KDM4B: variants seen among roughly 807,000 people sequenced by gnomAD.
KDM4B encodes lysine-specific demethylase 4B.
KDM4B carries 32 observed loss-of-function variants against 125.2 expected under a neutral mutation model. The ratio of observed to expected loss-of-function variants is 0.26; its 90% CI spans 0.19 to 0.34. The LOEUF is 0.34. Ranked by LOEUF, KDM4B falls within the 10% of genes least tolerant of loss-of-function variation. KDM4B has a pLI of 1.00. For synonymous variants in KDM4B, 721 were observed against 677.9 expected (o/e 1.06, Z -0.99); for missense variants, 1,190 against 1,577.7 (o/e 0.75, Z 4.16).
In KDM4B at chr19:5,142,381, G is replaced by A. The variant is rs961373821; in HGVS notation, c.2551-1586G>A. Among the ~76,000 whole-genome samples the A allele has an allele frequency of 2.0e-5, 3 of 152,216 alleles. No individual in the cohort carries two copies. Among genetic ancestry groups the A allele is most frequent in the South Asian group, 4.1e-4 (2 of 4,828 alleles). On this transcript the variant is annotated intron_variant, in intron 18 of 22. Transcript: ENST00000159111. The surrounding 1 kb of genome is among the most constrained non-coding windows in gnomAD (Gnocchi z 5.4). ...ACAGCGCGTGGCGTGACTGGACCTC[G>A]CCTTAGTAGGGGTGGCTCTGGGCAA...
At chr19:4,985,895 C>T (rs2034812486) in intron 1 of KDM4B, among the ~76,000 whole-genome samples, 1 of 152,220 alleles carries the variant, frequency 6.6e-6, no homozygotes, top group Admixed American at 6.5e-5. Flanking sequence ...GGAAGCCTCC[C>T]CGGCGCCCAG....
rs563312511 is a variant in KDM4B, at chr19:5,047,359, G to C, written c.433-117G>C. ...CCCCTGGGGGGGCCGCAGATACTGGGGTGGAGGAGGATGGGCAGCGACCCC... is the reference window on the plus strand; with the variant it reads ...CCCCTGGGGGGGCCGCAGATACTGGCGTGGAGGAGGATGGGCAGCGACCCC... On this transcript the variant is annotated intron_variant, in intron 5 of 22. Coordinates refer to ENST00000159111, the MANE Select transcript of KDM4B (RefSeq NM_015015.3). 8 of 892,552 alleles carry C rather than the reference G, an allele frequency of 9.0e-6. No homozygotes were observed. The African/African-American group carries it at 1.2e-4, about 13-fold the overall frequency. The allele number at this position is 892,552 out of a possible 1,614,324, so 55.3% of individuals were successfully genotyped here.
chr19:5,036,893 C>T (rs548021973), intron 3 of KDM4B, among the ~76,000 whole-genome samples: 2 of 152,360 alleles, frequency 1.3e-5, no homozygotes, highest in Admixed American at 6.5e-5. Flanking sequence ...GGAAGTGGCC[C>T]TCGTTCACGC....
intron 11 of KDM4B, among the ~76,000 whole-genome samples, chr19:5,120,217 A>G (rs899539235): frequency 6.6e-6 from 1 of 152,224 alleles, no homozygotes; most frequent in Admixed American, 6.5e-5. Context: ...TTGCACCTAT[A>G]GTCCCAGCTA....
chr19:5,049,742 G>A (rs1284048066), intron 6 of KDM4B, among the ~76,000 whole-genome samples: 1 of 152,138 alleles, frequency 6.6e-6, no homozygotes. Context: ...TCTACTACGG[G>A]CTATCAGTCC....
rs901596258 is a variant in KDM4B at position 5,141,698 on chromosome 19, CAG to C, written c.2551-2268_2551-2267del. On this transcript the variant is annotated intron_variant, in intron 18 of 22. Coordinates refer to ENST00000159111, the MANE Select transcript of KDM4B (RefSeq NM_015015.3). This position sits in a 1 kb window ranked among gnomAD's most constrained non-coding sequence, Gnocchi z 6.4. The stretch of plus-strand genomic sequence containing the variant: ...AGGGCTCCAGGCAGTCCTGGTGAGT[CAG>C]GGGGCTCCGGCTGGCCGCCCGCCTG... 6.6e-6 allele frequency among the ~76,000 whole-genome samples: 1 copy of C among 152,194 alleles called. No individual in the cohort carries two copies. The highest frequency in any genetic ancestry group is 2.4e-5 in the African/African-American group (1 of 41,450).
rs1465804368 is a variant in KDM4B, at chr19:5,082,287, C to T, written c.781-80C>T. 21 of 1,568,686 alleles carry T rather than the reference C, an allele frequency of 1.3e-5. No individual in the cohort carries two copies. Among genetic ancestry groups the T allele is most frequent in the Admixed American group, 5.3e-5 (3 of 56,868 alleles). On this transcript the variant is annotated intron_variant, in intron 8 of 22. Coordinates refer to ENST00000159111, the MANE Select transcript of KDM4B (RefSeq NM_015015.3). This position sits in a 1 kb window ranked among gnomAD's most constrained non-coding sequence, Gnocchi z 5.4. The stretch of plus-strand genomic sequence containing the variant: ...GGCTCATAAGCCAGGCTCCCTGGCA[C>T]TTGCTGGGAAGTGCCCACGTCCCAT...
chr19:5,144,212 C>T (rs1051193561), intron 19 of KDM4B, 36 bp from the exon 20 acceptor site: 5 of 1,586,424 alleles, frequency 3.2e-6, no homozygotes, highest in Admixed American at 1.7e-5. Context: ...CCGACACCCG[C>T]GCTGACCGCC....
At chr19:5,075,929 C>G (rs1273264322) in intron 7 of KDM4B, 1 of 156,718 alleles carries the variant, frequency 6.4e-6, no homozygotes, top group Non-Finnish European at 1.4e-5. Context: ...TGCACAGTCT[C>G]ATTCATGGCC....
chr19:5,061,496 A>G (rs2037596210), intron 6 of KDM4B, among the ~76,000 whole-genome samples: 1 of 152,150 alleles, frequency 6.6e-6, no homozygotes, highest in African/African-American at 2.4e-5. Context: ...CTGCCACATA[A>G]AGGAGCCCCT....
At chr19:5,077,269 C>G in intron 7 of KDM4B, 98 bp from the exon 8 acceptor site, 1 of 1,005,914 alleles carries the variant, frequency 9.9e-7, no homozygotes, top group Non-Finnish European at 1.5e-6. Context: ...CGCCCGCTCT[C>G]CATGGGAGGA....
intron 18 of KDM4B, among the ~76,000 whole-genome samples, 177 bp from the exon 19 acceptor site, chr19:5,143,790 G>A (rs1668296454): frequency 6.6e-6 from 1 of 152,198 alleles, no homozygotes; most frequent in African/African-American, 2.4e-5. Flanking sequence ...GGTCTGGAGG[G>A]CTTGGCCAGG....
At chr19:4,986,080 C>T (rs1016329468) in intron 1 of KDM4B, among the ~76,000 whole-genome samples, 3 of 152,242 alleles carry the variant, frequency 2.0e-5, no homozygotes, top group African/African-American at 7.2e-5. Flanking sequence ...GGATTGGTCC[C>T]CTCTCTGGTG....
chr19:5,060,862 C>T (rs897848505), intron 6 of KDM4B, among the ~76,000 whole-genome samples: 24 of 152,264 alleles, frequency 1.6e-4, no homozygotes, highest in Non-Finnish European at 2.5e-4. Context: ...TGGCAAACAA[C>T]TCGCACATGA....
chr19:5,039,738 G>C, intron 3 of KDM4B, 98 bp from the exon 4 acceptor site: 1 of 1,366,602 alleles, frequency 7.3e-7, no homozygotes. Context: ...TGCAGATCTT[G>C]GGGGGTGCTG....
chr19:5,063,224 C>T (rs1017112493), intron 6 of KDM4B, among the ~76,000 whole-genome samples: 6 of 152,090 alleles, frequency 3.9e-5, no homozygotes, highest in African/African-American at 1.2e-4. Context: ...GAGATAAACT[C>T]TTCTTGGTCT....
intron 2 of KDM4B, among the ~76,000 whole-genome samples, chr19:5,026,721 C>T (rs2036290654): frequency 2.0e-5 from 3 of 152,106 alleles, no homozygotes; most frequent in African/African-American, 7.2e-5. Context: ...AGAGTGGGCA[C>T]AAGGCAGTTT....
At chr19:5,077,058 G>A (rs1312372033) in intron 7 of KDM4B, 1 of 366,174 alleles carries the variant, frequency 2.7e-6, no homozygotes, top group African/African-American at 2.1e-5. Context: ...GGCTGCCCCT[G>A]CTGCTGGGCA....
intron 9 of KDM4B, among the ~76,000 whole-genome samples, chr19:5,100,139 T>C (rs755297174): frequency 2.0e-5 from 3 of 152,208 alleles, no homozygotes; most frequent in Non-Finnish European, 4.4e-5. Context: ...TTGAACCCTT[T>C]TTGTGTCCCA....
Sources: allele counts gnomAD v4.1 joint callset (sites outside exome capture counted in the v4.1 genomes callset), GRCh38; gene constraint gnomAD v4.1.1; non-coding constraint Gnocchi (gnomAD v3.1); transcripts MANE v1.5; gene names NCBI Gene and HGNC (gene_info 2026-07-23, HGNC 2026-07-21).